GALNT13: variants seen among roughly 807,000 people sequenced by gnomAD.
GALNT13 encodes the protein polypeptide N-acetylgalactosaminyltransferase 13, also known as UDP-GalNAc:polypeptide N-acetylgalactosaminyltransferase 13.
Under a neutral mutation model 64.2 loss-of-function variants are expected in GALNT13, and 28 were observed. The ratio of observed to expected loss-of-function variants is 0.44; its 90% CI spans 0.32 to 0.60. The LOEUF (loss-of-function observed/expected upper bound fraction) is 0.60, where lower values mean the gene tolerates loss of function less well. Ranked by LOEUF, GALNT13 falls within the 20% of genes least tolerant of loss-of-function variation. The pLI is 0.05. For synonymous variants in GALNT13, 214 were observed against 224.6 expected, an observed-to-expected ratio of 0.95 and a Z score of 0.42; for missense variants, 577 against 669.8, an observed-to-expected ratio of 0.86 and a Z score of 1.53.
intron 3 of GALNT13, among the ~76,000 whole-genome samples, chr2:154,039,405 AT>A (rs1698855261): frequency 7.1e-6 from 1 of 140,730 alleles, no homozygotes; most frequent in African/African-American, 2.4e-5. Flanking sequence ...TGTGGTATGT[AT>A]ACACAATGGA....
At chr2:154,157,286 C>T (rs572426552) in intron 4 of GALNT13, among the ~76,000 whole-genome samples, 1 of 152,234 alleles carries the variant, frequency 6.6e-6, no homozygotes, top group Non-Finnish European at 1.5e-5. Context: ...ATGAATACAT[C>T]GTCCATGTTT....
the GALNT13 span, among the ~76,000 whole-genome samples, chr2:153,564,992 G>A: frequency 2.6e-3 from 401 of 152,234 alleles, 2 homozygotes; most frequent in African/African-American, 9.1e-3. Flanking sequence ...GTCTTCATCA[G>A]CCAGGAGGAA....
chr2:154,429,831 A>T (rs1700634285), intron 11 of GALNT13, among the ~76,000 whole-genome samples: 1 of 152,168 alleles, frequency 6.6e-6, no homozygotes, highest in Non-Finnish European at 1.5e-5. Flanking sequence ...ATGTTCATTT[A>T]TTTACCATTC....
the GALNT13 span, among the ~76,000 whole-genome samples, chr2:153,733,198 T>C: frequency 2.0e-5 from 3 of 152,172 alleles, no homozygotes; most frequent in African/African-American, 4.8e-5. Context: ...CCCATGTGCT[T>C]GTTATTATGG....
chr2:153,520,192 T>C, the GALNT13 span, among the ~76,000 whole-genome samples: 1 of 152,228 alleles, frequency 6.6e-6, no homozygotes, highest in Non-Finnish European at 1.5e-5. Context: ...TCTTTGCACA[T>C]ATAATTTTTA....
chr2:153,962,135 C>A (rs1008465358), intron 3 of GALNT13, among the ~76,000 whole-genome samples: 14 of 152,120 alleles, frequency 9.2e-5, no homozygotes, highest in African/African-American at 3.1e-4. Flanking sequence ...CTCTTCTTGG[C>A]CCATATAATT....
At chr2:153,263,457 C>T in the GALNT13 span, among the ~76,000 whole-genome samples, 1 of 152,050 alleles carries the variant, frequency 6.6e-6, no homozygotes, top group Admixed American at 6.5e-5. Flanking sequence ...TTTTAAAATG[C>T]ATATGAAACC....
intron 4 of GALNT13, among the ~76,000 whole-genome samples, chr2:154,230,834 T>A (rs888240000): frequency 1.3e-4 from 20 of 151,614 alleles, no homozygotes; most frequent in African/African-American, 4.3e-4. Context: ...GTGACTGCTT[T>A]TGTTACTGCT....
the GALNT13 span, among the ~76,000 whole-genome samples, chr2:153,697,281 A>T: frequency 7.9e-5 from 12 of 152,178 alleles, no homozygotes; most frequent in Non-Finnish European, 1.5e-4. Flanking sequence ...GCTTTATAAG[A>T]TGTTTAGTCT....
intron 4 of GALNT13, among the ~76,000 whole-genome samples, chr2:154,154,372 C>T (rs1018167776): frequency 6.6e-6 from 1 of 152,134 alleles, no homozygotes; most frequent in African/African-American, 2.4e-5. Context: ...GTTAACTATC[C>T]ATCCAAGCTC....
chr2:153,670,438 A>G, the GALNT13 span, among the ~76,000 whole-genome samples: 1 of 152,190 alleles, frequency 6.6e-6, no homozygotes, highest in Non-Finnish European at 1.5e-5. Context: ...GCAAACTCCA[A>G]CAGACCTGCA....
At chr2:154,151,688 C>T (rs1684035915) in intron 4 of GALNT13, among the ~76,000 whole-genome samples, 1 of 152,136 alleles carries the variant, frequency 6.6e-6, no homozygotes, top group African/African-American at 2.4e-5. Flanking sequence ...TATGTAATGT[C>T]CTTCTTTGTC....
At chr2:153,836,001 T>C in the GALNT13 span, among the ~76,000 whole-genome samples, 1 of 152,096 alleles carries the variant, frequency 6.6e-6, no homozygotes, top group Non-Finnish European at 1.5e-5. Flanking sequence ...GTTATGAAGC[T>C]AATATGAATT....
At chr2:153,187,780 A>T in the GALNT13 span, among the ~76,000 whole-genome samples, 5 of 152,196 alleles carry the variant, frequency 3.3e-5, no homozygotes, top group African/African-American at 1.2e-4. Flanking sequence ...CTTGACATGG[A>T]TATTAAAAGA....
the GALNT13 span, among the ~76,000 whole-genome samples, chr2:153,121,762 G>C: frequency 2.0e-5 from 3 of 152,200 alleles, no homozygotes; most frequent in South Asian, 6.2e-4. Flanking sequence ...TGGAACTCCT[G>C]ACCTCAGGTG....
chr2:153,199,592 G>A, the GALNT13 span, among the ~76,000 whole-genome samples: 1 of 152,154 alleles, frequency 6.6e-6, no homozygotes, highest in Non-Finnish European at 1.5e-5. Context: ...TACTGTGGTG[G>A]GGTGTGGAAG....
intron 8 of GALNT13, among the ~76,000 whole-genome samples, chr2:154,278,504 A>AT (rs1269376161): frequency 2.0e-5 from 3 of 152,290 alleles, no homozygotes; most frequent in Non-Finnish European, 4.4e-5. Context: ...GGATTGATTA[A>AT]TTTGCCAAGG....
chr2:153,205,961 G>A, the GALNT13 span, among the ~76,000 whole-genome samples: 1 of 151,678 alleles, frequency 6.6e-6, no homozygotes, highest in Non-Finnish European at 1.5e-5. Flanking sequence ...TGTAATGATT[G>A]CTTTCCCTCC....
At chr2:153,397,759 G>C in the GALNT13 span, among the ~76,000 whole-genome samples, 1 of 151,802 alleles carries the variant, frequency 6.6e-6, no homozygotes, top group Non-Finnish European at 1.5e-5. Context: ...GTGTCTATTC[G>C]GTCTTCCATC....
Sources: allele counts gnomAD v4.1 joint callset (sites outside exome capture counted in the v4.1 genomes callset), GRCh38; gene constraint gnomAD v4.1.1; transcripts MANE v1.5; gene names NCBI Gene and HGNC (gene_info 2026-07-23, HGNC 2026-07-21).